The following DLGAP4 variants were observed in gnomAD, a reference collection of about 807,000 sequenced individuals.
DLGAP4 encodes the protein DLG associated protein 4, also known as disks large-associated protein 4.
DLGAP4 carries 18 observed loss-of-function variants against 86.9 expected under a neutral mutation model. The ratio of observed to expected loss-of-function variants is 0.21; its 90% CI spans 0.14 to 0.31. The LOEUF is 0.31. DLGAP4 is among the 10% of genes least tolerant of loss of function. The pLI, the probability that DLGAP4 is intolerant of heterozygous loss-of-function variation, is 1.00. For synonymous variants in DLGAP4, 548 were observed against 574.3 expected (o/e 0.95, Z 0.65); for missense variants, 1,085 against 1,362.6 (o/e 0.80, Z 3.21).
At chr20:36,409,033 GC>G (rs2032407559) in intron 2 of DLGAP4, among the ~76,000 whole-genome samples, 1 of 118,916 alleles carries the variant, frequency 8.4e-6, no homozygotes, top group Non-Finnish European at 1.7e-5. Context: ...CAAATAAAAG[GC>G]TTTTTTTTTT....
chr20:36,468,447 A>G (rs1186345987), intron 7 of DLGAP4, among the ~76,000 whole-genome samples: 1 of 152,268 alleles, frequency 6.6e-6, no homozygotes, highest in Non-Finnish European at 1.5e-5. Context: ...GTGCTTACAC[A>G]GTGGCTACCA....
At chr20:36,525,677 G>A (rs1159500683) in intron 11 of DLGAP4, 174 bp from the exon 12 acceptor site, 3 of 817,298 alleles carry the variant, frequency 3.7e-6, no homozygotes, top group Non-Finnish European at 5.7e-6. Flanking sequence ...ACTAGGGCTG[G>A]TGCTGACCAG....
At chr20:36,434,932 G>T (rs1302628028) in intron 3 of DLGAP4, among the ~76,000 whole-genome samples, 1 of 152,186 alleles carries the variant, frequency 6.6e-6, no homozygotes, top group Non-Finnish European at 1.5e-5. Context: ...CTGGTGAGGG[G>T]TATGCTGTGT....
chr20:36,451,812 G>C (rs2033744233), intron 7 of DLGAP4, among the ~76,000 whole-genome samples: 1 of 150,028 alleles, frequency 6.7e-6, no homozygotes. Flanking sequence ...CCAGGCTGGA[G>C]TGCAATGGCG....
chr20:36,427,035 T>C (rs2032993073), intron 2 of DLGAP4, among the ~76,000 whole-genome samples: 1 of 151,936 alleles, frequency 6.6e-6, no homozygotes, highest in African/African-American at 2.4e-5. Context: ...AAAAAATGTT[T>C]TTTCTAATTA....
chr20:36,460,829 G>C (rs140432913), intron 7 of DLGAP4, among the ~76,000 whole-genome samples: 1 of 152,240 alleles, frequency 6.6e-6, no homozygotes, highest in Admixed American at 6.5e-5. Context: ...TTATTTTACG[G>C]GGGAGGAATG....
chr20:36,372,134 G>A (rs1482599193), intron 2 of DLGAP4, among the ~76,000 whole-genome samples: 5 of 152,168 alleles, frequency 3.3e-5, no homozygotes, highest in African/African-American at 7.2e-5. Flanking sequence ...TAAGAATAGC[G>A]TCCGAGGGTA....
chr20:36,482,833 G>A (rs1241083724), intron 7 of DLGAP4, among the ~76,000 whole-genome samples: 2 of 151,988 alleles, frequency 1.3e-5, no homozygotes, highest in Admixed American at 6.6e-5. Context: ...TACCATGCCC[G>A]GCTAATTTTT....
Position 36,503,221 on chromosome 20 carries a change from T to C in DLGAP4, c.2512+2610T>C, listed in dbSNP as rs973558139. On this transcript the variant is annotated intron_variant, in intron 10 of 12. Transcript: ENST00000339266. ...TTTTTCTTCTGCCCTGTGATGGCTT[T>C]ACTGAGATATAATTCACATACCACA... is the stretch of plus-strand genomic sequence containing the variant. Among the ~76,000 whole-genome samples the C allele has an allele frequency of 2.5e-4, 38 of 152,134 alleles. 1 individual carries two copies. Among genetic ancestry groups the C allele is most frequent in the Admixed American group, 6.6e-5 (1 of 15,264 alleles).
chr20:36,317,569 T>G (rs1275693863), intron 1 of DLGAP4, among the ~76,000 whole-genome samples: 1 of 149,044 alleles, frequency 6.7e-6, no homozygotes, highest in Non-Finnish European at 1.5e-5. Flanking sequence ...TCTTCCTGCC[T>G]CAGCCTCTGG....
chr20:36,355,744 G>T (rs1315568571), intron 1 of DLGAP4, among the ~76,000 whole-genome samples: 3 of 152,144 alleles, frequency 2.0e-5, no homozygotes, highest in Admixed American at 1.3e-4. Flanking sequence ...TTCCAGTTTG[G>T]GGCTATTATG....
rs969343591 is a variant in DLGAP4 at position 36,316,676 on chromosome 20, G to T, written c.-304+10164G>T. 5.3e-3 allele frequency among the ~76,000 whole-genome samples: 809 copies of T among 152,282 alleles called. 10 individuals carry two copies. The highest frequency in any genetic ancestry group is 0.019 in the African/African-American group (773 of 41,562). Reference sequence around the variant, plus strand: ...GTCCAGGAAGGGCCTGAGAACAGGTGGGGGTGGAAAGGCAGCCCAGCTCAC... The same window carrying T: ...GTCCAGGAAGGGCCTGAGAACAGGTTGGGGTGGAAAGGCAGCCCAGCTCAC... On this transcript the variant is annotated intron_variant, in intron 1 of 12. Transcript: ENST00000339266.
intron 4 of DLGAP4, 72 bp downstream of exon 4, chr20:36,436,422 G>A: frequency 2.0e-6 from 3 of 1,467,906 alleles, no homozygotes; most frequent in East Asian, 2.4e-5. Flanking sequence ...TTGCTCCCTG[G>A]GAGGAGCCCT....
In DLGAP4 at chr20:36,311,026, G is replaced by A. The variant is rs1315559850; in HGVS notation, c.-304+4514G>A. 5.3e-5 allele frequency among the ~76,000 whole-genome samples: 8 copies of A among 152,218 alleles called. No homozygotes were observed. The East Asian group carries it at 5.8e-4, about 11-fold the overall frequency. On this transcript the variant is annotated intron_variant, in intron 1 of 12. Transcript: ENST00000339266. ...TCTGTTCCTATATCCCCTCCACAGC[G>A]TCTCCTGGCAACTCCTCCAGGCCAG...
chr20:36,525,560 TTCTTCCCTGCAAA>T, intron 11 of DLGAP4: 1 of 476,584 alleles, frequency 2.1e-6, no homozygotes, highest in Non-Finnish European at 3.8e-6. Context: ...GAACTTCTGT[TTCTTCCCTGCAAA>T]ACGAGAATAC....
chr20:36,457,092 A>T (rs2033897233), intron 7 of DLGAP4, among the ~76,000 whole-genome samples: 1 of 152,130 alleles, frequency 6.6e-6, no homozygotes, highest in African/African-American at 2.4e-5. Context: ...AACATAAATA[A>T]GTGTGTGGTT....
chr20:36,501,242 T>A (rs2036132977), intron 10 of DLGAP4, among the ~76,000 whole-genome samples: 1 of 151,996 alleles, frequency 6.6e-6, no homozygotes, highest in African/African-American at 2.4e-5. Flanking sequence ...ATTTTTGTAT[T>A]TTTAGTAGAG....
rs182610911 is a variant in DLGAP4 at position 36,512,483 on chromosome 20, A to G, written c.2513-11767A>G. On this transcript the variant is annotated intron_variant, in intron 10 of 12. Transcript: ENST00000339266. ...CTCAGTGAATATTTATTGAGTACCTACCTTATGCCAGGTACTGTTGTAGCT... is the reference window on the plus strand; with the variant it reads ...CTCAGTGAATATTTATTGAGTACCTGCCTTATGCCAGGTACTGTTGTAGCT... 2.0e-5 allele frequency: 3 copies of G among 152,314 alleles called. No individual in the cohort carries two copies. The East Asian group carries it at 5.8e-4, about 29-fold the overall frequency. 9.4% of individuals were successfully genotyped at this position (152,314 alleles called of 1,614,324 possible).
chr20:36,489,448 CCTGA>C lies in DLGAP4; in HGVS notation c.1649-7255_1649-7252del, dbSNP rs2035562728. ...AGCTTTATGGCTTTGTCTTCATCAG[CCTGA>C]CACCTTTTTAACTTCTTGGCTTCTG... On this transcript the variant is annotated intron_variant, in intron 7 of 12. Coordinates refer to ENST00000339266, the MANE Select transcript of DLGAP4 (RefSeq NM_001365621.2). Among the ~76,000 whole-genome samples, 7 of 152,178 alleles carry C rather than the reference CCTGA, an allele frequency of 4.6e-5. No homozygotes were observed. The South Asian group carries it at 1.5e-3, about 32-fold the overall frequency.
Sources: gnomAD v4.1 joint callset for allele counts (sites outside exome capture counted in the v4.1 genomes callset) on GRCh38, gnomAD v4.1.1 for gene constraint, MANE v1.5 for transcripts, NCBI Gene and HGNC (gene_info 2026-07-23, HGNC 2026-07-21) for gene names.